The following PRKCA variants were observed in gnomAD, a reference collection of about 807,000 sequenced individuals.
The protein encoded by PRKCA is protein kinase C alpha type.
PRKCA carries 27 observed loss-of-function variants against 87.0 expected under a neutral mutation model. That is an observed-to-expected ratio of 0.31 (90% confidence interval 0.23 to 0.43). The LOEUF (loss-of-function observed/expected upper bound fraction) is 0.43. Among genes scored for constraint, PRKCA ranks in the 20% least tolerant of loss-of-function variants. The pLI is 1.00. For synonymous variants in PRKCA, 329 were observed against 311.1 expected (o/e 1.06, Z -0.61); for missense variants, 518 against 852.3 (o/e 0.61, Z 4.88).
intron 14 of PRKCA, among the ~76,000 whole-genome samples, chr17:66,783,158 C>T (rs965814086): frequency 1.3e-5 from 2 of 152,200 alleles, no homozygotes; most frequent in African/African-American, 4.8e-5. Flanking sequence ...TGCACAGGCT[C>T]TGTCACGGGT....
intron 2 of PRKCA, among the ~76,000 whole-genome samples, chr17:66,372,802 A>G (rs1034810571): frequency 6.6e-6 from 1 of 152,140 alleles, no homozygotes; most frequent in Non-Finnish European, 1.5e-5. Context: ...CGCACCTGTA[A>G]TCCCAGTACT....
chr17:66,740,547 G>C (rs1200844327), intron 11 of PRKCA, among the ~76,000 whole-genome samples: 1 of 152,170 alleles, frequency 6.6e-6, no homozygotes, highest in Non-Finnish European at 1.5e-5. Flanking sequence ...AGGCAGAATA[G>C]GGAAATCTTT....
intron 8 of PRKCA, among the ~76,000 whole-genome samples, chr17:66,704,582 C>T (rs1387403831): frequency 6.6e-6 from 1 of 152,134 alleles, no homozygotes; most frequent in East Asian, 1.9e-4. Flanking sequence ...CCATTCAGAA[C>T]TATATGAAGA....
chr17:66,794,900 A>C (rs1342355239), intron 16 of PRKCA, among the ~76,000 whole-genome samples: 2 of 152,170 alleles, frequency 1.3e-5, no homozygotes, highest in Admixed American at 1.3e-4. Flanking sequence ...CTGAGATTAC[A>C]GGCTGACCTC....
chr17:66,436,146 A>T (rs1311932860), intron 2 of PRKCA, among the ~76,000 whole-genome samples: 2 of 152,202 alleles, frequency 1.3e-5, no homozygotes, highest in Non-Finnish European at 2.9e-5. Flanking sequence ...AGAGTGAAGA[A>T]AAATAATTCC....
intron 2 of PRKCA, among the ~76,000 whole-genome samples, chr17:66,480,948 C>T (rs770012950): frequency 2.6e-5 from 4 of 152,040 alleles, no homozygotes; most frequent in South Asian, 2.1e-4. Flanking sequence ...TGACCTACTC[C>T]GTCTCCATAG....
At chr17:66,504,338 C>T (rs1916876837) in intron 3 of PRKCA, among the ~76,000 whole-genome samples, 1 of 151,984 alleles carries the variant, frequency 6.6e-6, no homozygotes, top group South Asian at 2.1e-4. Context: ...CCTGTAATCC[C>T]AGCACTTTGG....
chr17:66,456,061 A>G (rs1463677103), intron 2 of PRKCA, among the ~76,000 whole-genome samples: 3 of 152,026 alleles, frequency 2.0e-5, no homozygotes, highest in Non-Finnish European at 2.9e-5. Context: ...AGGCCACGAG[A>G]TACTGGAGGC....
At chr17:66,653,803 A>C (rs577155083) in intron 5 of PRKCA, among the ~76,000 whole-genome samples, 111 of 135,892 alleles carry the variant, frequency 8.2e-4, no homozygotes, top group African/African-American at 2.8e-3. Context: ...AAAAAAAAAA[A>C]AAAAAACAAA....
At chr17:66,745,299 C>G (rs182629557) in intron 13 of PRKCA, among the ~76,000 whole-genome samples, 17 of 152,336 alleles carry the variant, frequency 1.1e-4, no homozygotes, top group African/African-American at 3.8e-4. Context: ...ACATCTGAAG[C>G]CTTCATTCCC....
At chr17:66,318,070 A>T (rs377695002) in intron 2 of PRKCA, among the ~76,000 whole-genome samples, 2 of 152,248 alleles carry the variant, frequency 1.3e-5, no homozygotes, top group Non-Finnish European at 2.9e-5. Flanking sequence ...TGATCATATT[A>T]TGAGTAATTT....
At chr17:66,709,927 A>T (rs1046073384) in intron 8 of PRKCA, among the ~76,000 whole-genome samples, 2 of 152,168 alleles carry the variant, frequency 1.3e-5, no homozygotes, top group Non-Finnish European at 2.9e-5. Context: ...TTATTGAAAA[A>T]TGGCAATCTG....
At chr17:66,543,995 T>G (rs1317397249) in intron 3 of PRKCA, among the ~76,000 whole-genome samples, 1 of 152,106 alleles carries the variant, frequency 6.6e-6, no homozygotes, top group Non-Finnish European at 1.5e-5. Context: ...GCAGATCACT[T>G]GAGGTCAGGA....
chr17:66,478,625 T>C (rs1915637021), intron 2 of PRKCA, among the ~76,000 whole-genome samples: 1 of 152,216 alleles, frequency 6.6e-6, no homozygotes, highest in African/African-American at 2.4e-5. Flanking sequence ...AGCATTGTTA[T>C]GAACATTGCT....
intron 3 of PRKCA, among the ~76,000 whole-genome samples, chr17:66,587,675 ACG>A (rs1969640856): frequency 6.7e-6 from 1 of 148,964 alleles, no homozygotes; most frequent in Non-Finnish European, 1.5e-5. Context: ...ATACATATAT[ACG>A]TATATGTGTG....
chr17:66,567,364 T>G (rs1319265836), intron 3 of PRKCA, among the ~76,000 whole-genome samples: 1 of 152,162 alleles, frequency 6.6e-6, no homozygotes, highest in Non-Finnish European at 1.5e-5. Flanking sequence ...GAGAGCCTCC[T>G]GGCTTCTGTG....
At chr17:66,634,121 CTAAT>C (rs777899821) in intron 3 of PRKCA, among the ~76,000 whole-genome samples, 6 of 152,178 alleles carry the variant, frequency 3.9e-5, no homozygotes, top group Non-Finnish European at 7.3e-5. Flanking sequence ...CCAAGGAAGA[CTAAT>C]TAAGTTGCTA....
intron 5 of PRKCA, among the ~76,000 whole-genome samples, chr17:66,683,988 C>T (rs540637137): frequency 7.2e-5 from 11 of 152,334 alleles, no homozygotes; most frequent in African/African-American, 2.6e-4. Context: ...CTAGCTTCCC[C>T]AGCTTCCCCT....
At chr17:66,386,972 T>C (rs1267942719) in intron 2 of PRKCA, among the ~76,000 whole-genome samples, 4 of 152,240 alleles carry the variant, frequency 2.6e-5, no homozygotes, top group African/African-American at 9.6e-5. Flanking sequence ...GTAAAGGTTC[T>C]CAGTGGTCTT....
Sources: allele counts gnomAD v4.1 joint callset (sites outside exome capture counted in the v4.1 genomes callset), GRCh38; gene constraint gnomAD v4.1.1; transcripts MANE v1.5; gene names NCBI Gene and HGNC (gene_info 2026-07-23, HGNC 2026-07-21).